A3GALT2: variants seen among roughly 807,000 people sequenced by gnomAD.
A3GALT2 encodes alpha-1,3-galactosyltransferase 2.
A neutral mutation model predicts 16.6 loss-of-function variants in A3GALT2; 14 were observed. The observed-to-expected ratio is 0.84, with a 90% CI of 0.56 to 1.32. A3GALT2 has a LOEUF of 1.32. Among genes scored for constraint, A3GALT2 ranks in the 40% most tolerant of loss-of-function variants. The pLI is 0.00. For missense variants in A3GALT2, 600 were observed against 490.9 expected, an observed-to-expected ratio of 1.22 and a Z score of -2.10; for synonymous variants, 253 against 218.0, an observed-to-expected ratio of 1.16 and a Z score of -1.42.
rs1646281811 is a variant in A3GALT2 at position 33,320,703 on chromosome 1, A to G, written c.23+373T>C. On this transcript the variant is annotated intron_variant, in intron 1 of 4. Coordinates refer to ENST00000442999, the MANE Select transcript of A3GALT2 (RefSeq NM_001080438.1). The surrounding 1 kb of genome is among the most constrained non-coding windows in gnomAD (Gnocchi z 4.3). ...GGGCACAGGTTCCTAGTCCTGGACCATCAGTCCCAGTGGGGATAGAGGGAG... is the reference window on the plus strand; with the variant it reads ...GGGCACAGGTTCCTAGTCCTGGACCGTCAGTCCCAGTGGGGATAGAGGGAG... Among the ~76,000 whole-genome samples, 1 of 152,040 alleles carries G rather than the reference A, an allele frequency of 6.6e-6. No individual in the cohort carries two copies. The highest frequency in any genetic ancestry group is 1.5e-5 in the Non-Finnish European group (1 of 68,034).
At chr1:33,315,707 A>G (rs1386453760) in intron 1 of A3GALT2, among the ~76,000 whole-genome samples, 5 of 152,258 alleles carry the variant, frequency 3.3e-5, no homozygotes, top group South Asian at 2.1e-4. Flanking sequence ...CTTTGATTCA[A>G]TAATTCCAAG....
At chr1:33,310,772 C>G (rs1031184869) in intron 4 of A3GALT2, among the ~76,000 whole-genome samples, 1 of 152,154 alleles carries the variant, frequency 6.6e-6, no homozygotes, top group Non-Finnish European at 1.5e-5. Context: ...AACTCAGGAC[C>G]TCAGTATCCC....
chr1:33,309,394 GC>G (rs1172878540), intron 4 of A3GALT2, among the ~76,000 whole-genome samples: 3 of 150,768 alleles, frequency 2.0e-5, no homozygotes. Context: ...CCGGGCGGGG[GC>G]TGCCCCCCAC....
Position 33,307,584 on chromosome 1 carries a change from CACCCT to C in A3GALT2, c.336-136_336-132del. On this transcript the variant is annotated intron_variant, in intron 4 of 4. Coordinates refer to ENST00000442999, the MANE Select transcript of A3GALT2 (RefSeq NM_001080438.1). ...CCCACCCTCACCCCCACTCCCACCC[CACCCT>C]CACCCCCACCTCATCCCACCCCTCC... The C allele has an allele frequency of 7.7e-6, 4 of 522,514 alleles. No homozygotes were observed. In the South Asian group the frequency reaches 1.2e-4, roughly 16 times the overall value. The allele number at this position is 522,514 out of a possible 1,614,324, so 32.4% of individuals were successfully genotyped here.
chr1:33,309,742 G>A (rs1646224051), intron 4 of A3GALT2, among the ~76,000 whole-genome samples: 3 of 151,618 alleles, frequency 2.0e-5, no homozygotes, highest in Admixed American at 6.6e-5. Context: ...CATCTCAGAC[G>A]ATGGGCGGCC....
At chr1:33,308,750 GTTTTTTTTTTTTTTTTT>G (rs56655319) in intron 4 of A3GALT2, among the ~76,000 whole-genome samples, 4,701 of 46,332 alleles carry the variant, frequency 0.1, 230 homozygotes, top group Middle Eastern at 0.19. Flanking sequence ...TGTCAAAGTT[GTTTTTTTTTTTTTTTTT>G]TTTTTTTTTT....
intron 2 of A3GALT2, 25 bp from the exon 3 acceptor site, chr1:33,312,615 G>A: frequency 6.5e-7 from 1 of 1,547,138 alleles, no homozygotes; most frequent in Non-Finnish European, 8.8e-7. Flanking sequence ...GGGGCGGGGG[G>A]CAGGCAGCCG....
chr1:33,311,912 G>A, intron 4 of A3GALT2, 140 bp downstream of exon 4: 3 of 1,258,456 alleles, frequency 2.4e-6, no homozygotes, highest in South Asian at 2.9e-5. Context: ...GGGGGTGTGG[G>A]GCAAGAAGTG....
In A3GALT2 at chr1:33,307,434, C is replaced by A. The variant is rs745715150; in HGVS notation, c.355G>T (p.Glu119Ter). The A allele has an allele frequency of 6.5e-7, 1 of 1,529,716 alleles. No homozygotes were observed. Among genetic ancestry groups the A allele is most frequent in the Non-Finnish European group, 8.7e-7 (1 of 1,148,440 alleles). The allele number at this position is 1,529,716 out of a possible 1,614,324, so 94.8% of individuals were successfully genotyped here. A position where few individuals can be genotyped will look rare whatever the true frequency, so the allele number is the denominator to read the frequency against. ...AVGRYLEKYL[E>*]RFLETAEQHF... ...TGCTCCGCCGTCTCCAGGAAGCGCT[C>A]CAGGTACTTCTCCAGGTATCTAAGG... The change falls in exon 5 of 5, where the codon GAG becomes TAG. Residue 119 changes from glutamate (E) to a stop codon, truncating the protein, a stop_gained. Coordinates refer to ENST00000442999, the MANE Select transcript of A3GALT2 (RefSeq NM_001080438.1). LOFTEE classifies it low-confidence loss of function (END_TRUNC).
In A3GALT2 at chr1:33,312,195, C is replaced by T. The variant is rs1239490897; in HGVS notation, c.198-6G>A. 2.5e-6 allele frequency: 4 copies of T among 1,612,968 alleles called. No homozygotes were observed. In the South Asian group the frequency reaches 3.3e-5, roughly 13 times the overall value. On this transcript the variant is annotated splice_polypyrimidine_tract_variant and splice_region_variant and intron_variant, in intron 3 of 4. Transcript: ENST00000442999. ...TCAGAACTTCAGGCCGGGCCCTGGC[C>T]AGGGCAGGGATGGGAAATGGAAATA... is the stretch of plus-strand genomic sequence containing the variant.
chr1:33,312,175 A>C lies in A3GALT2; in HGVS notation c.212T>G (p.Val71Gly), dbSNP rs565921071. The change falls in exon 4 of 5, where the codon GTT (valine) becomes GGT (glycine). Residue 71 changes from valine (V) to glycine (G), a missense_variant. Coordinates refer to ENST00000442999, the MANE Select transcript of A3GALT2 (RefSeq NM_001080438.1). ...GALRPWARPE[V>G]LTCTPWGAPI... is the part of the protein sequence containing the mutation. Reference sequence around the variant, plus strand: ...AGCCCCCCAGGGGGTACAGGTCAGAACTTCAGGCCGGGCCCTGGCCAGGGC... The same window carrying C: ...AGCCCCCCAGGGGGTACAGGTCAGACCTTCAGGCCGGGCCCTGGCCAGGGC... The C allele has an allele frequency of 4.8e-5, 77 of 1,613,350 alleles. 2 individuals carry two copies. The South Asian group carries it at 8.1e-4, about 17-fold the overall frequency.
chr1:33,318,191 G>A (rs1646269850), intron 1 of A3GALT2, among the ~76,000 whole-genome samples: 1 of 152,196 alleles, frequency 6.6e-6, no homozygotes, highest in African/African-American at 2.4e-5. Flanking sequence ...GCATCATCCA[G>A]TGGAAGTATA....
In A3GALT2 at chr1:33,306,844, C is replaced by G; in HGVS notation, c.945G>C (p.Pro315=). ...KVLSPEFCWS[P]DIGPRAEIRR... is the part of the protein sequence containing the mutation. ...GGATCTCGGCCCGCGGGCCGATGTC[C>G]GGGCTCCAGCAGAACTCGGGCGACA... is the stretch of plus-strand genomic sequence containing the variant. The change falls in exon 5 of 5, where the codon CCG becomes CCC. Residue 315 remains proline, a synonymous_variant. Transcript: ENST00000442999. 10 of 1,504,840 alleles carry G rather than the reference C, an allele frequency of 6.6e-6. No homozygotes were observed. The highest frequency in any genetic ancestry group is 3.7e-5 in the South Asian group (3 of 80,432). The allele number at this position is 1,504,840 out of a possible 1,614,324, so 93.2% of individuals were successfully genotyped here. A position where few individuals can be genotyped will look rare whatever the true frequency, so the allele number is the denominator to read the frequency against.
At chr1:33,307,502 CG>C (rs780259123) in intron 4 of A3GALT2, 49 bp from the exon 5 acceptor site, 1 of 1,408,534 alleles carries the variant, frequency 7.1e-7, no homozygotes, top group Non-Finnish European at 9.2e-7. Context: ...GAGGCGGGCC[CG>C]GCCTCCCCAC....
At position 33,307,455 on chromosome 1, in the gene A3GALT2, T is replaced by G. The variant is rs976278491; in HGVS notation, c.336-2A>C. On this transcript the variant is annotated splice_acceptor_variant, in intron 4 of 4. Coordinates refer to ENST00000442999, the MANE Select transcript of A3GALT2 (RefSeq NM_001080438.1). LOFTEE classifies it high-confidence loss of function. ...CGCTCCAGGTACTTCTCCAGGTATC[T>G]AAGGGCGCGGCGCCACCGTCAGCCT... The G allele has an allele frequency of 1.1e-5, 17 of 1,494,530 alleles. No homozygotes were observed. Among genetic ancestry groups the G allele is most frequent in the Non-Finnish European group, 1.4e-5 (16 of 1,133,528 alleles). 92.6% of individuals were successfully genotyped at this position (1,494,530 alleles called of 1,614,324 possible).
chr1:33,307,355 C>G lies in A3GALT2; in HGVS notation c.434G>C (p.Gly145Ala). ...VMYYVFTELP[G>A]AVPRVALGPG... ...GCCCAGCGCCACGCGGGGCACCGCT[C>G]CCGGAAGCTCGGTGAACACGTAGTA... The change falls in exon 5 of 5, where the codon GGA (glycine) becomes GCA (alanine). Residue 145 changes from glycine to alanine, a missense_variant. Gly to Ala is a moderately conservative substitution (Grantham distance 60). Transcript: ENST00000442999. The G allele has an allele frequency of 6.5e-7, 1 of 1,550,084 alleles. No individual in the cohort carries two copies. The highest frequency in any genetic ancestry group is 8.7e-7 in the Non-Finnish European group (1 of 1,155,546).
chr1:33,311,262 CGCT>C (rs1259762740), intron 4 of A3GALT2, among the ~76,000 whole-genome samples: 3 of 152,148 alleles, frequency 2.0e-5, no homozygotes, highest in Non-Finnish European at 4.4e-5. Flanking sequence ...GTCAGCACCC[CGCT>C]GCCATTTCTT....
chr1:33,309,481 C>T (rs550867213), intron 4 of A3GALT2, among the ~76,000 whole-genome samples: 129 of 152,016 alleles, frequency 8.5e-4, no homozygotes, highest in Admixed American at 2.0e-3. Flanking sequence ...GCTGGCCGGG[C>T]GGGGGCTGCC....
rs1646283779 is a variant in A3GALT2 at position 33,321,065 on chromosome 1, T to C, written c.23+11A>G. ...AGCTTTCTTCCTCTCCATACCATTG[T>C]CCCCCCTCACCTGAGTCCCTCCTTG... On this transcript the variant is annotated intron_variant, in intron 1 of 4. Coordinates refer to ENST00000442999, the MANE Select transcript of A3GALT2 (RefSeq NM_001080438.1). 1 of 1,612,742 alleles carries C rather than the reference T, an allele frequency of 6.2e-7. No individual in the cohort carries two copies. The highest frequency in any genetic ancestry group is 8.5e-7 in the Non-Finnish European group (1 of 1,179,800).
Sources: allele counts gnomAD v4.1 joint callset (sites outside exome capture counted in the v4.1 genomes callset), GRCh38; gene constraint gnomAD v4.1.1; non-coding constraint Gnocchi (gnomAD v3.1); transcripts MANE v1.5; gene names NCBI Gene and HGNC (gene_info 2026-07-23, HGNC 2026-07-21).